Variants in PTPRM observed in about 807,000 individuals in gnomAD.
PTPRM encodes the protein receptor-type tyrosine-protein phosphatase mu.
PTPRM carries 47 observed loss-of-function variants against 186.7 expected under a neutral mutation model. The observed-to-expected ratio is 0.25, with a 90% CI of 0.20 to 0.32. PTPRM has a LOEUF of 0.32. Among genes scored for constraint, PTPRM ranks in the 10% least tolerant of loss-of-function variants. The probability of loss-of-function intolerance (pLI) is 1.00; values close to 1 mark genes in which losing one functional copy is unlikely to be tolerated. For synonymous variants in PTPRM, 668 were observed against 674.9 expected (o/e 0.99, Z 0.16); for missense variants, 1,494 against 1,865.0 (o/e 0.80, Z 3.66).
chr18:7,714,019 G>T (rs946088226), intron 1 of PTPRM, among the ~76,000 whole-genome samples: 1 of 152,106 alleles, frequency 6.6e-6, no homozygotes, highest in Non-Finnish European at 1.5e-5. Context: ...GCACCAAGTG[G>T]ACCTAATAGA....
chr18:8,364,335 G>A (rs1052414086), intron 23 of PTPRM, among the ~76,000 whole-genome samples: 28 of 152,242 alleles, frequency 1.8e-4, no homozygotes, highest in African/African-American at 6.0e-4. Context: ...GTCACCTGCC[G>A]CATGAGAAGA....
At chr18:7,874,045 G>A (rs1485358214) in intron 2 of PTPRM, among the ~76,000 whole-genome samples, 1 of 151,580 alleles carries the variant, frequency 6.6e-6, no homozygotes, top group Non-Finnish European at 1.5e-5. Context: ...TTATATTATT[G>A]GTAAAGGATC....
chr18:8,366,045 T>G (rs115093221), intron 23 of PTPRM, among the ~76,000 whole-genome samples: 1,837 of 152,274 alleles, frequency 0.012, 43 homozygotes, highest in African/African-American at 0.042. Flanking sequence ...AAATTATGAT[T>G]TAATTAGAGT....
intron 7 of PTPRM, among the ~76,000 whole-genome samples, chr18:8,033,349 C>G (rs896012153): frequency 2.0e-5 from 3 of 152,200 alleles, no homozygotes; most frequent in African/African-American, 7.2e-5. Context: ...CATGACTATA[C>G]ACTATATGTA....
chr18:7,979,179 A>C (rs1410822658), intron 7 of PTPRM, among the ~76,000 whole-genome samples: 2 of 152,222 alleles, frequency 1.3e-5, no homozygotes, highest in African/African-American at 4.8e-5. Flanking sequence ...CTGACCCGCC[A>C]CTGTAGAGTC....
intron 14 of PTPRM, among the ~76,000 whole-genome samples, chr18:8,187,209 G>A (rs767548981): frequency 1.3e-5 from 2 of 152,136 alleles, no homozygotes; most frequent in Non-Finnish European, 2.9e-5. Flanking sequence ...CAAAGTCCTA[G>A]GATTACAGGT....
intron 2 of PTPRM, among the ~76,000 whole-genome samples, chr18:7,808,668 G>A (rs187994701): frequency 6.6e-6 from 1 of 152,314 alleles, no homozygotes; most frequent in African/African-American, 2.4e-5. Flanking sequence ...AGGTTGAACT[G>A]TTGAAGTTAC....
chr18:7,633,786 T>C (rs888282222), intron 1 of PTPRM, among the ~76,000 whole-genome samples: 13 of 152,178 alleles, frequency 8.5e-5, no homozygotes, highest in African/African-American at 3.1e-4. Flanking sequence ...CTGATTCCTG[T>C]TTCTCTCATG....
chr18:7,949,079 C>A, intron 5 of PTPRM, 102 bp from the exon 6 acceptor site: 1 of 1,157,452 alleles, frequency 8.6e-7, no homozygotes, highest in Non-Finnish European at 1.2e-6. Flanking sequence ...GCACCAAGGT[C>A]TGCATGAAAA....
chr18:8,150,910 T>G (rs1183269356), intron 14 of PTPRM, among the ~76,000 whole-genome samples: 1 of 152,200 alleles, frequency 6.6e-6, no homozygotes, highest in African/African-American at 2.4e-5. Flanking sequence ...TGCTGTAGTT[T>G]TCTGGAGGTC....
chr18:7,812,748 A>G (rs569954588), intron 2 of PTPRM, among the ~76,000 whole-genome samples: 188 of 151,842 alleles, frequency 1.2e-3, no homozygotes, highest in African/African-American at 4.3e-3. Context: ...TTTGACAGCA[A>G]TACTTGTTCA....
chr18:7,768,554 C>T (rs894529001), intron 1 of PTPRM, among the ~76,000 whole-genome samples: 1 of 152,110 alleles, frequency 6.6e-6, no homozygotes, highest in South Asian at 2.1e-4. Flanking sequence ...CACACACTAC[C>T]TGCAGTTTTT....
At chr18:7,664,513 A>C (rs182769601) in intron 1 of PTPRM, among the ~76,000 whole-genome samples, 1 of 152,264 alleles carries the variant, frequency 6.6e-6, no homozygotes, top group Non-Finnish European at 1.5e-5. Flanking sequence ...TCCCAAGGCC[A>C]GTGGGCTGGT....
intron 7 of PTPRM, among the ~76,000 whole-genome samples, chr18:8,031,475 A>G (rs2085968947): frequency 6.6e-6 from 1 of 152,250 alleles, no homozygotes; most frequent in Non-Finnish European, 1.5e-5. Flanking sequence ...TGTGGAATTA[A>G]TAAAAATGCC....
chr18:7,841,974 T>G (rs12457653), intron 2 of PTPRM, among the ~76,000 whole-genome samples: 77,616 of 151,716 alleles, frequency 0.51, 22,023 homozygotes, highest in East Asian at 0.76. Flanking sequence ...GCTTTTCTTG[T>G]TGACTTTGGC....
intron 14 of PTPRM, among the ~76,000 whole-genome samples, chr18:8,197,393 C>G (rs747510762): frequency 4.6e-5 from 7 of 152,110 alleles, no homozygotes; most frequent in Admixed American, 3.9e-4. Flanking sequence ...GTCATCAACT[C>G]TTAAATTTCT....
At chr18:7,890,158 G>A (rs574764662) in intron 3 of PTPRM, among the ~76,000 whole-genome samples, 1 of 152,140 alleles carries the variant, frequency 6.6e-6, no homozygotes, top group African/African-American at 2.4e-5. Flanking sequence ...CAACTACGAG[G>A]AGGAATAAAG....
At chr18:7,810,303 G>A (rs185721621) in intron 2 of PTPRM, among the ~76,000 whole-genome samples, 22 of 152,320 alleles carry the variant, frequency 1.4e-4, no homozygotes, top group East Asian at 3.9e-4. Flanking sequence ...CCCTGGTAGC[G>A]TTTTAATCTG....
At chr18:8,088,418 G>GT (rs1314858538) in intron 10 of PTPRM, among the ~76,000 whole-genome samples, 3 of 152,172 alleles carry the variant, frequency 2.0e-5, no homozygotes, top group Non-Finnish European at 4.4e-5. Flanking sequence ...TGTACCAATT[G>GT]TAAGTGTACA....
Sources: gnomAD v4.1 joint callset for allele counts (sites outside exome capture counted in the v4.1 genomes callset) on GRCh38, gnomAD v4.1.1 for gene constraint, MANE v1.5 for transcripts, NCBI Gene and HGNC (gene_info 2026-07-23, HGNC 2026-07-21) for gene names.